Variants in ZNF253 observed in about 807,000 individuals in gnomAD.
ZNF253 encodes DNA-binding protein.
A neutral mutation model predicts 11.9 loss-of-function variants in ZNF253; 8 were observed. The ratio of observed to expected loss-of-function variants is 0.67; its 90% confidence interval spans 0.40 to 1.22. The LOEUF (loss-of-function observed/expected upper bound fraction) is 1.22. Among genes scored for constraint, ZNF253 ranks in the 50% most tolerant of loss-of-function variants. ZNF253 has a pLI of 0.01. For missense variants in ZNF253, 485 were observed against 586.9 expected (o/e 0.83, Z 1.79); for synonymous variants, 194 against 194.9 (o/e 1.00, Z 0.04).
chr19:19,892,356 G>A lies in ZNF253; in HGVS notation c.1109G>A (p.Cys370Tyr). 1 of 1,613,942 alleles carries A rather than the reference G, an allele frequency of 6.2e-7. No individual in the cohort carries two copies. Among genetic ancestry groups the A allele is most frequent in the Non-Finnish European group, 8.5e-7 (1 of 1,179,960 alleles). The change falls in exon 4 of 4, where the codon TGT (cysteine) becomes TAT (tyrosine). Residue 370 changes from cysteine to tyrosine, a missense_variant. By Grantham distance (194) the Cys-to-Tyr change is radical (BLOSUM62 -2). Transcript: ENST00000589717. ...ILHTGEKPYRCRECGKAFNHS... is the reference protein window; with the variant it reads ...ILHTGEKPYRYRECGKAFNHS... ...CATACTGGAGAGAAACCCTACAGAT[G>A]TAGAGAATGTGGCAAAGCTTTTAAC...
chr19:19,880,707 A>C (rs546756652), intron 3 of ZNF253, among the ~76,000 whole-genome samples: 319 of 141,898 alleles, frequency 2.2e-3, no homozygotes, highest in African/African-American at 7.9e-3. Flanking sequence ...TCCATCTCAC[A>C]AAAAAAAAAA....
In ZNF253 at chr19:19,893,019, C is replaced by G. The variant is rs568329151; in HGVS notation, c.*272C>G. 5.4e-6 allele frequency: 2 copies of G among 369,988 alleles called. No homozygotes were observed. Among genetic ancestry groups the G allele is most frequent in the African/African-American group, 2.1e-5 (1 of 47,394 alleles). 22.9% of individuals were successfully genotyped at this position (369,988 alleles called of 1,614,324 possible). The stretch of plus-strand genomic sequence containing the variant: ...TGAGATGGAGTTTCACTCTTGTCAC[C>G]GAGGCTGGAGTGCAATGACATGATC... On this transcript the variant is annotated 3_prime_UTR_variant, in exon 4 of 4. Coordinates refer to ENST00000589717, the MANE Select transcript of ZNF253 (RefSeq NM_021047.3).
At chr19:19,885,225 TTCTTTCTTTCTTTC>T (rs1485145804) in intron 3 of ZNF253, among the ~76,000 whole-genome samples, 1 of 38,116 alleles carries the variant, frequency 2.6e-5, no homozygotes, top group South Asian at 8.2e-4. Context: ...TATTCTTTCT[TTCTTTCTTTCTTTC>T]TTTCTTTCTT....
At position 19,892,739 on chromosome 19, in the gene ZNF253, A is replaced by AT; in HGVS notation, c.1493dup (p.Arg499LysfsTer40). 4 of 1,587,900 alleles carry AT rather than the reference A, an allele frequency of 2.5e-6. No individual in the cohort carries two copies. The South Asian group carries it at 4.7e-5, about 19-fold the overall frequency. On this transcript the variant is annotated frameshift_variant, in exon 4 of 4. Coordinates refer to ENST00000589717, the MANE Select transcript of ZNF253 (RefSeq NM_021047.3). LOFTEE classifies it high-confidence loss of function. ...AAATGTTCCTCCACTTTTAATTAGC[A>AT]TAAGATAATTCATACTGGAGAGAAA...
At position 19,891,600 on chromosome 19, in the gene ZNF253, G is replaced by A. The variant is rs1401983964; in HGVS notation, c.353G>A (p.Ser118Asn). Residue 118 changes from serine (S) to asparagine (N), a missense_variant, in exon 4 of 4, where the codon AGC becomes AAC. By Grantham distance (46) the Ser-to-Asn change is conservative. Around this residue, in one of 3 missense-constraint regions of ZNF253, gnomAD observed 218 missense variants for 213.1 expected, o/e 1.02. Transcript: ENST00000589717. Reference protein sequence around the residue: ...DNLQLKKGCKSVGEHKVHKGG... With the variant: ...DNLQLKKGCKNVGEHKVHKGG... ...TTACAGTTAAAAAAAGGCTGTAAAA[G>A]CGTGGGTGAGCATAAGGTGCACAAA... The A allele has an allele frequency of 3.1e-6, 5 of 1,614,160 alleles. No homozygotes were observed. The highest frequency in any genetic ancestry group is 1.3e-5 in the African/African-American group (1 of 75,072).
intron 3 of ZNF253, among the ~76,000 whole-genome samples, chr19:19,883,926 G>A (rs867486435): frequency 1.4e-4 from 21 of 151,986 alleles, no homozygotes; most frequent in Non-Finnish European, 1.2e-4. Flanking sequence ...GCATGGTGGC[G>A]CATGCCTATA....
chr19:19,877,286 G>A (rs2063159441), intron 1 of ZNF253, among the ~76,000 whole-genome samples: 1 of 152,078 alleles, frequency 6.6e-6, no homozygotes, highest in Admixed American at 6.5e-5. Context: ...TTTGAAGTTA[G>A]CATAAAACAT....
chr19:19,883,249 T>C (rs1230238403), intron 3 of ZNF253, among the ~76,000 whole-genome samples: 1 of 152,226 alleles, frequency 6.6e-6, no homozygotes, highest in Non-Finnish European at 1.5e-5. Flanking sequence ...TATTTTTTTC[T>C]GTTTTTCTTT....
upstream of ZNF253, chr19:19,865,867 C>T (rs899092789): frequency 1.1e-5 from 13 of 1,212,484 alleles, no homozygotes; most frequent in African/African-American, 6.0e-5. Context: ...TTTCTCGCTG[C>T]AGCGGGAGCT....
chr19:19,866,809 C>T (rs1206280313), intron 1 of ZNF253, among the ~76,000 whole-genome samples: 1 of 152,126 alleles, frequency 6.6e-6, no homozygotes, highest in Non-Finnish European at 1.5e-5. Context: ...CTGTGTCCTT[C>T]CCCCATTGGC....
intron 1 of ZNF253, among the ~76,000 whole-genome samples, chr19:19,872,785 C>T (rs2063140268): frequency 6.6e-6 from 1 of 151,710 alleles, no homozygotes; most frequent in African/African-American, 2.4e-5. Context: ...AAACTGTCTA[C>T]TTATATTCAT....
At chr19:19,888,685 TTCCTC>T (rs1471271822) in intron 3 of ZNF253, among the ~76,000 whole-genome samples, 3 of 151,836 alleles carry the variant, frequency 2.0e-5, no homozygotes, top group Non-Finnish European at 4.4e-5. Flanking sequence ...TTTATAATAA[TTCCTC>T]TACTTCCATC....
At chr19:19,873,203 G>A (rs192784588) in intron 1 of ZNF253, among the ~76,000 whole-genome samples, 47 of 149,732 alleles carry the variant, frequency 3.1e-4, no homozygotes, top group African/African-American at 1.1e-3. Flanking sequence ...AGGAGTGAGA[G>A]ATCAAGGCCA....
At chr19:19,890,331 A>G (rs1344682565) in intron 3 of ZNF253, among the ~76,000 whole-genome samples, 1 of 152,108 alleles carries the variant, frequency 6.6e-6, no homozygotes, top group Admixed American at 6.6e-5. Flanking sequence ...TTACCTTTAG[A>G]CTCAGCAGAC....
chr19:19,873,847 A>G (rs1019505578), intron 1 of ZNF253, among the ~76,000 whole-genome samples: 1 of 152,058 alleles, frequency 6.6e-6, no homozygotes, highest in Admixed American at 6.5e-5. Context: ...CACTTTCTTT[A>G]TATTGTTGTG....
chr19:19,880,168 T>C, intron 3 of ZNF253, 22 bp downstream of exon 3: 2 of 1,545,294 alleles, frequency 1.3e-6, no homozygotes, highest in Non-Finnish European at 1.8e-6. Flanking sequence ...TGAAAACGAA[T>C]ACAACAGATG....
chr19:19,891,119 C>T (rs1171523097), intron 3 of ZNF253, among the ~76,000 whole-genome samples: 5 of 152,036 alleles, frequency 3.3e-5, no homozygotes, highest in Admixed American at 6.6e-5. Flanking sequence ...TGATTACAGG[C>T]GTGAGCCACC....
At chr19:19,874,817 C>T (rs1026613967) in intron 1 of ZNF253, among the ~76,000 whole-genome samples, 16 of 152,022 alleles carry the variant, frequency 1.1e-4, no homozygotes, top group African/African-American at 3.6e-4. Flanking sequence ...GAGGCTGAGG[C>T]AGGAGAATGG....
At chr19:19,883,255 TC>T (rs1433205844) in intron 3 of ZNF253, among the ~76,000 whole-genome samples, 1 of 152,242 alleles carries the variant, frequency 6.6e-6, no homozygotes, top group Non-Finnish European at 1.5e-5. Flanking sequence ...TTTCTGTTTT[TC>T]TTTAAAACTT....
Sources: allele counts gnomAD v4.1 joint callset (sites outside exome capture counted in the v4.1 genomes callset), GRCh38; gene constraint gnomAD v4.1.1; regional missense constraint gnomAD v4.1.1; transcripts MANE v1.5; gene names NCBI Gene and HGNC (gene_info 2026-07-23, HGNC 2026-07-21).